SLC9A9: variants seen among roughly 807,000 people sequenced by gnomAD.
The protein encoded by SLC9A9 is sodium/hydrogen exchanger 9.
Under a neutral mutation model 77.8 loss-of-function variants are expected in SLC9A9, and 62 were observed. The observed-to-expected ratio is 0.80, with a 90% confidence interval of 0.65 to 0.98. The LOEUF (loss-of-function observed/expected upper bound fraction) is 0.98, where lower values mean the gene tolerates loss of function less well. SLC9A9 is among the 50% of genes least tolerant of loss of function. The pLI is 0.00. For missense variants in SLC9A9, 775 were observed against 774.9 expected (o/e 1.00, Z 0.00); for synonymous variants, 320 against 283.5 (o/e 1.13, Z -1.29).
At chr3:143,279,189 A>G (rs1403604428) in intron 14 of SLC9A9, among the ~76,000 whole-genome samples, 3 of 152,188 alleles carry the variant, frequency 2.0e-5, no homozygotes, top group Non-Finnish European at 4.4e-5. Context: ...CCTAGGAAAA[A>G]TATTGCCAAG....
chr3:143,627,575 C>A, intron 6 of SLC9A9: 1 of 325,382 alleles, frequency 3.1e-6, no homozygotes, highest in South Asian at 3.5e-5. Context: ...AGCGGTGGTT[C>A]TTTTCTGGCA....
At chr3:143,430,596 G>C (rs530023487) in intron 12 of SLC9A9, among the ~76,000 whole-genome samples, 4 of 152,202 alleles carry the variant, frequency 2.6e-5, no homozygotes, top group Non-Finnish European at 1.5e-5. Flanking sequence ...TTCAGCAGCT[G>C]TTCTTTTGCT....
chr3:143,500,791 A>T (rs1370494620), intron 9 of SLC9A9, among the ~76,000 whole-genome samples: 1 of 151,068 alleles, frequency 6.6e-6, no homozygotes, highest in Non-Finnish European at 1.5e-5. Context: ...AATTTATAAA[A>T]TACCATAAAT....
At chr3:143,825,697 T>C (rs1022606675) in intron 2 of SLC9A9, among the ~76,000 whole-genome samples, 4 of 152,204 alleles carry the variant, frequency 2.6e-5, no homozygotes, top group African/African-American at 9.6e-5. Context: ...TAGTGTCTAC[T>C]TGTCACACAG....
At chr3:143,730,236 G>A (rs1003770626) in intron 4 of SLC9A9, among the ~76,000 whole-genome samples, 3 of 152,192 alleles carry the variant, frequency 2.0e-5, no homozygotes, top group South Asian at 2.1e-4. Context: ...ACTTTGGCAC[G>A]ACTGTGAAAC....
intron 12 of SLC9A9, among the ~76,000 whole-genome samples, chr3:143,383,578 C>T (rs570548027): frequency 1.3e-5 from 2 of 152,164 alleles, no homozygotes; most frequent in South Asian, 4.1e-4. Context: ...GAACACAGTA[C>T]TGGGGATCTT....
chr3:143,308,929 C>T (rs1276177388), intron 14 of SLC9A9, among the ~76,000 whole-genome samples: 1 of 152,168 alleles, frequency 6.6e-6, no homozygotes, highest in African/African-American at 2.4e-5. Flanking sequence ...TTCAGCTTCT[C>T]TTAGGCTCAG....
chr3:143,574,000 T>TC, intron 8 of SLC9A9, 88 bp downstream of exon 8: 1 of 1,147,428 alleles, frequency 8.7e-7, no homozygotes, highest in Non-Finnish European at 1.3e-6. Context: ...AGACTTCATT[T>TC]CACCTCCTGC....
chr3:143,739,023 C>T (rs1440732736), intron 4 of SLC9A9, among the ~76,000 whole-genome samples: 1 of 152,012 alleles, frequency 6.6e-6, no homozygotes, highest in Non-Finnish European at 1.5e-5. Context: ...AATCACTGGC[C>T]ATTGGTGAAT....
At chr3:143,386,143 G>A (rs2033420513) in intron 12 of SLC9A9, among the ~76,000 whole-genome samples, 1 of 152,138 alleles carries the variant, frequency 6.6e-6, no homozygotes, top group South Asian at 2.1e-4. Context: ...AAGTTACTGA[G>A]ACTTGGAGTG....
intron 12 of SLC9A9, among the ~76,000 whole-genome samples, chr3:143,436,967 A>T (rs567725348): frequency 6.6e-6 from 1 of 152,202 alleles, no homozygotes; most frequent in Non-Finnish European, 1.5e-5. Flanking sequence ...ATAACCAGGC[A>T]TTGAGCTAGA....
chr3:143,743,288 T>TAGAC (rs201195198), intron 4 of SLC9A9, among the ~76,000 whole-genome samples: 160 of 119,722 alleles, frequency 1.3e-3, no homozygotes, highest in Non-Finnish European at 2.2e-3. Flanking sequence ...GATAGATAGA[T>TAGAC]AGACAGACAG....
At chr3:143,813,185 A>T (rs80204538) in intron 2 of SLC9A9, among the ~76,000 whole-genome samples, 391 of 152,296 alleles carry the variant, frequency 2.6e-3, no homozygotes, top group African/African-American at 8.8e-3. Context: ...AATATGATAC[A>T]AACAGAAAAT....
intron 9 of SLC9A9, among the ~76,000 whole-genome samples, chr3:143,509,827 G>T (rs867805863): frequency 6.6e-6 from 1 of 152,148 alleles, no homozygotes; most frequent in Non-Finnish European, 1.5e-5. Flanking sequence ...CTATAGATAT[G>T]TGCTAGAAGC....
At chr3:143,471,150 A>T (rs773325310) in intron 11 of SLC9A9, among the ~76,000 whole-genome samples, 33 of 152,234 alleles carry the variant, frequency 2.2e-4, no homozygotes, top group Non-Finnish European at 4.0e-4. Context: ...AGCCCTGGTA[A>T]CATGTGGCAC....
chr3:143,509,169 A>C (rs1352065521), intron 9 of SLC9A9, among the ~76,000 whole-genome samples: 5 of 152,180 alleles, frequency 3.3e-5, no homozygotes. Flanking sequence ...TGGAGAGTGT[A>C]AAAGAGGCTT....
At chr3:143,688,867 T>C (rs1380671639) in intron 5 of SLC9A9, among the ~76,000 whole-genome samples, 1 of 152,006 alleles carries the variant, frequency 6.6e-6, no homozygotes, top group Non-Finnish European at 1.5e-5. Flanking sequence ...ATTCCTAACA[T>C]ATTAAGGGCA....
At chr3:143,828,741 C>T (rs769345003) in intron 2 of SLC9A9, among the ~76,000 whole-genome samples, 1 of 152,128 alleles carries the variant, frequency 6.6e-6, no homozygotes, top group African/African-American at 2.4e-5. Context: ...AAAGGAATGA[C>T]AGGTACAGAG....
At chr3:143,647,164 A>G (rs2038721142) in intron 6 of SLC9A9, among the ~76,000 whole-genome samples, 1 of 152,182 alleles carries the variant, frequency 6.6e-6, no homozygotes, top group Non-Finnish European at 1.5e-5. Context: ...GGTAAGTGCT[A>G]TTACTGTCTA....
Sources: gnomAD v4.1 joint callset for allele counts (sites outside exome capture counted in the v4.1 genomes callset) on GRCh38, gnomAD v4.1.1 for gene constraint, MANE v1.5 for transcripts, NCBI Gene and HGNC (gene_info 2026-07-23, HGNC 2026-07-21) for gene names.